CHCHD6: variants seen among roughly 807,000 people sequenced by gnomAD.
The protein encoded by CHCHD6 is MICOS complex subunit MIC25.
CHCHD6 carries 28 observed loss-of-function variants against 32.3 expected under a neutral mutation model. The ratio of observed to expected loss-of-function variants is 0.87; its 90% confidence interval spans 0.64 to 1.19. The LOEUF (loss-of-function observed/expected upper bound fraction) is 1.19, where lower values mean the gene tolerates loss of function less well. Ranked by LOEUF, CHCHD6 falls within the 50% of genes most tolerant of loss-of-function variation. The pLI is 0.00. For synonymous variants in CHCHD6, 122 were observed against 117.5 expected (o/e 1.04, Z -0.25); for missense variants, 333 against 307.0 (o/e 1.08, Z -0.63).
intron 4 of CHCHD6, among the ~76,000 whole-genome samples, chr3:126,735,304 A>G (rs530255312): frequency 7.5e-4 from 115 of 152,318 alleles, no homozygotes; most frequent in African/African-American, 2.8e-3. Flanking sequence ...CTTTCTCAGG[A>G]CTATCCCTTG....
At position 126,803,852 on chromosome 3, in the gene CHCHD6, T is replaced by C. The variant is rs1390067477; in HGVS notation, c.412-48795T>C. 1.4e-4 allele frequency among the ~76,000 whole-genome samples: 22 copies of C among 152,114 alleles called. 1 individual carries two copies. Among genetic ancestry groups the C allele is most frequent in the Admixed American group, 1.4e-3 (22 of 15,274 alleles). ...AGCAAATGTAAAAGAACAGAAATTA[T>C]AACAAACTGTCTCTCAGACCACAGT... is the stretch of plus-strand genomic sequence containing the variant. On this transcript the variant is annotated intron_variant, in intron 4 of 7. Transcript: ENST00000290913.
intron 4 of CHCHD6, among the ~76,000 whole-genome samples, chr3:126,748,115 A>G (rs1471870876): frequency 6.6e-6 from 1 of 151,966 alleles, no homozygotes; most frequent in Non-Finnish European, 1.5e-5. Context: ...CTCCTCTTAG[A>G]GCCTGCTCTG....
intron 5 of CHCHD6, among the ~76,000 whole-genome samples, chr3:126,861,532 A>G (rs1941867822): frequency 6.6e-6 from 1 of 151,090 alleles, no homozygotes; most frequent in Non-Finnish European, 1.5e-5. Flanking sequence ...CACTACCAAC[A>G]CCACCACCAC....
intron 1 of CHCHD6, among the ~76,000 whole-genome samples, chr3:126,721,104 C>T (rs962053406): frequency 2.6e-5 from 4 of 152,224 alleles, no homozygotes; most frequent in South Asian, 2.1e-4. Flanking sequence ...TCTGTGCTCT[C>T]GTTCATTCCC....
At chr3:126,910,735 A>G (rs1041408103) in intron 5 of CHCHD6, among the ~76,000 whole-genome samples, 3 of 152,302 alleles carry the variant, frequency 2.0e-5, no homozygotes, top group Non-Finnish European at 2.9e-5. Context: ...GGATGACACT[A>G]CAGGGTATTC....
chr3:126,921,583 G>A (rs138468403), intron 6 of CHCHD6, among the ~76,000 whole-genome samples: 1 of 152,258 alleles, frequency 6.6e-6, no homozygotes, highest in East Asian at 1.9e-4. Flanking sequence ...AGTCCTCCCT[G>A]GTCCCACAGA....
chr3:126,778,991 T>C (rs2107680202), intron 4 of CHCHD6, among the ~76,000 whole-genome samples: 1 of 151,592 alleles, frequency 6.6e-6, no homozygotes, highest in East Asian at 1.9e-4. Flanking sequence ...GGTCTTGAAC[T>C]TCTGGGCTCA....
chr3:126,944,656 C>T (rs575482255), intron 6 of CHCHD6, among the ~76,000 whole-genome samples: 58 of 152,240 alleles, frequency 3.8e-4, no homozygotes, highest in Admixed American at 3.4e-3. Context: ...GCGGGGCTGG[C>T]GGCCTGTCCA....
rs1325381801 is a variant in CHCHD6 at position 126,949,654 on chromosome 3, C to T, written c.567-7762C>T. ...CCGCCGTGGACGGAAGGGAAGGCTGCTGCGCGGACTGCCGCCGTGGACGGA... is the reference window on the plus strand; with the variant it reads ...CCGCCGTGGACGGAAGGGAAGGCTGTTGCGCGGACTGCCGCCGTGGACGGA... On this transcript the variant is annotated intron_variant, in intron 6 of 7. Coordinates refer to ENST00000290913, the MANE Select transcript of CHCHD6 (RefSeq NM_032343.3). 1.9e-5 allele frequency: 4 copies of T among 207,580 alleles called. No individual in the cohort carries two copies. The Admixed American group carries it at 2.5e-4, about 13-fold the overall frequency. The allele number at this position is 207,580 out of a possible 1,614,324, so 12.9% of individuals were successfully genotyped here. A position where few individuals can be genotyped will look rare whatever the true frequency, so the allele number is the denominator to read the frequency against.
At chr3:126,959,223 G>A (rs1483096785) in intron 7 of CHCHD6, among the ~76,000 whole-genome samples, 2 of 152,252 alleles carry the variant, frequency 1.3e-5, no homozygotes, top group African/African-American at 2.4e-5. Flanking sequence ...CTGGGACACT[G>A]CCAGGTCTGG....
At position 126,771,131 on chromosome 3, in the gene CHCHD6, G is replaced by A. The variant is rs532783907; in HGVS notation, c.411+37909G>A. On this transcript the variant is annotated intron_variant, in intron 4 of 7. Coordinates refer to ENST00000290913, the MANE Select transcript of CHCHD6 (RefSeq NM_032343.3). Reference sequence around the variant, plus strand: ...TCTTTGCATAGAGTTGTTCGTAGTAGTCTCTGATGATTTTCTCTATTTCTG... The same window carrying A: ...TCTTTGCATAGAGTTGTTCGTAGTAATCTCTGATGATTTTCTCTATTTCTG... Among the ~76,000 whole-genome samples the A allele has an allele frequency of 2.0e-5, 3 of 151,534 alleles. No homozygotes were observed. The South Asian group carries it at 6.3e-4, about 32-fold the overall frequency.
At chr3:126,748,562 T>C (rs1345136243) in intron 4 of CHCHD6, among the ~76,000 whole-genome samples, 2 of 147,714 alleles carry the variant, frequency 1.4e-5, no homozygotes, top group African/African-American at 5.0e-5. Context: ...GCCACTGCAC[T>C]CTAGCCTGGG....
At chr3:126,788,713 C>G (rs1198032402) in intron 4 of CHCHD6, among the ~76,000 whole-genome samples, 1 of 151,576 alleles carries the variant, frequency 6.6e-6, no homozygotes, top group African/African-American at 2.4e-5. Flanking sequence ...TGATTCTTCT[C>G]TCTTCTTCAT....
chr3:126,828,578 G>A (rs1940508602), intron 4 of CHCHD6, among the ~76,000 whole-genome samples: 1 of 152,238 alleles, frequency 6.6e-6, no homozygotes, highest in Admixed American at 6.5e-5. Flanking sequence ...TGTCGGATGG[G>A]ACAGGACACC....
chr3:126,871,187 A>C (rs1005134699), intron 5 of CHCHD6, among the ~76,000 whole-genome samples: 2 of 152,102 alleles, frequency 1.3e-5, no homozygotes, highest in East Asian at 3.8e-4. Context: ...CTTTCTCTCT[A>C]TCATCTGTTA....
chr3:126,927,925 A>T (rs2078348272), intron 6 of CHCHD6, among the ~76,000 whole-genome samples: 1 of 152,248 alleles, frequency 6.6e-6, no homozygotes, highest in South Asian at 2.1e-4. Context: ...AGCAGCCCTC[A>T]TCACAGACAG....
rs947694300 is a variant in CHCHD6, at chr3:126,828,202, G to C, written c.412-24445G>C. Among the ~76,000 whole-genome samples the C allele has an allele frequency of 2.0e-5, 3 of 152,262 alleles. 1 individual carries two copies. The stretch of plus-strand genomic sequence containing the variant: ...AATTTCATCTTACCTCGTGGTTTCA[G>C]TTATCTTCTGTAAGCTAAGGACTCT... On this transcript the variant is annotated intron_variant, in intron 4 of 7. Transcript: ENST00000290913.
At chr3:126,855,217 G>T (rs1427605134) in intron 5 of CHCHD6, among the ~76,000 whole-genome samples, 1 of 152,188 alleles carries the variant, frequency 6.6e-6, no homozygotes, top group Non-Finnish European at 1.5e-5. Context: ...TATGGCACCT[G>T]AAGAAGCAGC....
intron 5 of CHCHD6, among the ~76,000 whole-genome samples, chr3:126,858,060 T>A (rs1353259907): frequency 6.6e-6 from 1 of 151,966 alleles, no homozygotes; most frequent in Non-Finnish European, 1.5e-5. Context: ...CAAGTGCCGG[T>A]GGTATTCATG....
Sources: allele counts gnomAD v4.1 joint callset (sites outside exome capture counted in the v4.1 genomes callset), GRCh38; gene constraint gnomAD v4.1.1; transcripts MANE v1.5; gene names NCBI Gene and HGNC (gene_info 2026-07-23, HGNC 2026-07-21).